PKHD1L1: variants seen among roughly 807,000 people sequenced by gnomAD.
PKHD1L1 encodes PKHD1 like 1.
PKHD1L1 carries 434 observed loss-of-function variants against 462.9 expected under a neutral mutation model. The observed-to-expected ratio is 0.94, with a 90% confidence interval of 0.87 to 1.02. PKHD1L1 has a LOEUF of 1.02. Ranked by LOEUF, PKHD1L1 falls within the 50% of genes least tolerant of loss-of-function variation. The pLI, the probability that PKHD1L1 is intolerant of heterozygous loss-of-function variation, is 0.00. For synonymous variants in PKHD1L1, 1,781 were observed against 1,750.0 expected, an observed-to-expected ratio of 1.02 and a Z score of -0.44; for missense variants, 5,202 against 5,096.1, an observed-to-expected ratio of 1.02 and a Z score of -0.63.
intron 67 of PKHD1L1, among the ~76,000 whole-genome samples, chr8:109,503,381 G>T (rs910474233): frequency 2.0e-5 from 3 of 152,160 alleles, no homozygotes; most frequent in Non-Finnish European, 4.4e-5. Context: ...GGAACTAGGG[G>T]TTGGGTGCAC....
In PKHD1L1 at chr8:109,456,244, T is replaced by A. The variant is rs1195141504; in HGVS notation, c.6875-18T>A. 3.7e-6 allele frequency: 6 copies of A among 1,603,766 alleles called. No homozygotes were observed. The highest frequency in any genetic ancestry group is 1.1e-5 in the South Asian group (1 of 89,220). On this transcript the variant is annotated intron_variant, in intron 45 of 77. Coordinates refer to ENST00000378402, the MANE Select transcript of PKHD1L1 (RefSeq NM_177531.6). ...CAAACACATGTAAGGAAATACTCAG[T>A]GTGTATGTTGGTTCTAGGTGTGCCT...
At chr8:109,442,804 C>A in intron 35 of PKHD1L1, 142 bp from the exon 36 acceptor site, 2 of 734,870 alleles carry the variant, frequency 2.7e-6, no homozygotes, top group Non-Finnish European at 4.3e-6. Context: ...TTACTACATT[C>A]TGTTGACATT....
intron 27 of PKHD1L1, among the ~76,000 whole-genome samples, chr8:109,431,373 A>C (rs1050719338): frequency 3.9e-5 from 6 of 152,174 alleles, no homozygotes; most frequent in African/African-American, 4.8e-5. Flanking sequence ...ATTTACTTCC[A>C]ATCATTAATT....
chr8:109,376,245 T>G (rs1280427900), intron 2 of PKHD1L1, among the ~76,000 whole-genome samples: 1 of 152,200 alleles, frequency 6.6e-6, no homozygotes, highest in Non-Finnish European at 1.5e-5. Flanking sequence ...CAGTTTGATC[T>G]CAGACTGCTG....
At chr8:109,388,990 T>C in intron 7 of PKHD1L1, 89 bp from the exon 8 acceptor site, 1 of 876,754 alleles carries the variant, frequency 1.1e-6, no homozygotes. Context: ...ATTCATATTC[T>C]GAAATTAATG....
At chr8:109,376,105 C>A (rs904968461) in intron 2 of PKHD1L1, among the ~76,000 whole-genome samples, 1 of 152,236 alleles carries the variant, frequency 6.6e-6, no homozygotes, top group Non-Finnish European at 1.5e-5. Context: ...AAAGGTGGAG[C>A]CTACAGAGGC....
chr8:109,522,440 C>G, intron 74 of PKHD1L1, 103 bp downstream of exon 74: 1 of 1,249,050 alleles, frequency 8.0e-7, no homozygotes, highest in East Asian at 2.6e-5. Context: ...AATAATTTAG[C>G]AGGCATGTCT....
chr8:109,497,408 G>C (rs563273597), intron 65 of PKHD1L1, 136 bp downstream of exon 65: 1 of 985,908 alleles, frequency 1.0e-6, no homozygotes, highest in East Asian at 2.8e-5. Flanking sequence ...TGTTCCCACT[G>C]CCCTCTGCCT....
Position 109,443,081 on chromosome 8 carries a change from T to C in PKHD1L1, c.4529T>C (p.Leu1510Pro), listed in dbSNP as rs1815903554. 1 of 1,613,626 alleles carries C rather than the reference T, an allele frequency of 6.2e-7. No individual in the cohort carries two copies. Among genetic ancestry groups the C allele is most frequent in the Non-Finnish European group, 8.5e-7 (1 of 1,179,634 alleles). Reference sequence around the variant, plus strand: ...GAAACCAGACACATTCCCTTGCACCTGTTTGTGGGTCGCTCTGAAGCCACA... The same window carrying C: ...GAAACCAGACACATTCCCTTGCACCCGTTTGTGGGTCGCTCTGAAGCCACA... The part of the protein sequence containing the change: ...PAETRHIPLH[L>P]FVGRSEATYA... The change falls in exon 36 of 78, where the codon CTG becomes CCG. Residue 1510 changes from leucine (L) to proline (P), a missense_variant. Around this residue, in one of 3 missense-constraint regions of PKHD1L1, gnomAD observed 4,497 missense variants for 4,336.8 expected, o/e 1.04. Coordinates refer to ENST00000378402, the MANE Select transcript of PKHD1L1 (RefSeq NM_177531.6).
intron 43 of PKHD1L1, 71 bp from the exon 44 acceptor site, chr8:109,454,096 T>C: frequency 1.2e-6 from 1 of 819,776 alleles, no homozygotes; most frequent in Non-Finnish European, 1.9e-6. Flanking sequence ...TAAATTGTAA[T>C]GAATAATTTA....
At chr8:109,378,922 G>A (rs181288607) in intron 2 of PKHD1L1, among the ~76,000 whole-genome samples, 6 of 152,190 alleles carry the variant, frequency 3.9e-5, no homozygotes, top group East Asian at 3.9e-4. Flanking sequence ...CTTAACTTCC[G>A]CAAGAGAACA....
chr8:109,417,667 G>T (rs752453386), intron 21 of PKHD1L1, among the ~76,000 whole-genome samples: 2 of 151,824 alleles, frequency 1.3e-5, no homozygotes, highest in Non-Finnish European at 2.9e-5. Context: ...CCTCTGCCTC[G>T]GCCTCCTGAG....
chr8:109,422,855 T>G (rs1250802601), intron 23 of PKHD1L1, among the ~76,000 whole-genome samples: 1 of 152,230 alleles, frequency 6.6e-6, no homozygotes, highest in East Asian at 1.9e-4. Flanking sequence ...CGATCCAGTT[T>G]CTGCACAATC....
Position 109,477,050 on chromosome 8 carries a change from C to A in PKHD1L1, c.8918-175C>A, listed in dbSNP as rs183638570. Among the ~76,000 whole-genome samples the A allele has an allele frequency of 1.0e-3, 153 of 152,014 alleles. 1 individual carries two copies. The highest frequency in any genetic ancestry group is 7.4e-5 in the Non-Finnish European group (5 of 67,958). ...ATTCATTTTTATCAAGATATTTTGA[C>A]CGTGTATATCTTTATAATACATACA... On this transcript the variant is annotated intron_variant, in intron 52 of 77. Coordinates refer to ENST00000378402, the MANE Select transcript of PKHD1L1 (RefSeq NM_177531.6).
chr8:109,486,313 A>C (rs564205814), intron 58 of PKHD1L1, among the ~76,000 whole-genome samples: 18 of 151,956 alleles, frequency 1.2e-4, no homozygotes, highest in African/African-American at 4.3e-4. Flanking sequence ...ATTACAATAC[A>C]CTTCTCAATT....
At chr8:109,478,233 ATT>A (rs1818096029) in intron 53 of PKHD1L1, among the ~76,000 whole-genome samples, 1 of 152,182 alleles carries the variant, frequency 6.6e-6, no homozygotes, top group African/African-American at 2.4e-5. Flanking sequence ...CAAAAATTGA[ATT>A]TGTTTATATA....
At chr8:109,406,605 T>C in intron 17 of PKHD1L1, 127 bp downstream of exon 17, 1 of 1,094,858 alleles carries the variant, frequency 9.1e-7, no homozygotes, top group Non-Finnish European at 1.2e-6. Context: ...ATTAAATGGT[T>C]TTTTCTACGG....
rs112785609 is a variant in PKHD1L1, at chr8:109,408,558, G to T, written c.1971+352G>T. On this transcript the variant is annotated intron_variant, in intron 18 of 77. Transcript: ENST00000378402. The stretch of plus-strand genomic sequence containing the variant: ...TAAAATCAGAAATTCCTTGAGAGAT[G>T]TAGTGCAATAAAAGCTTAGCTATAA... Among the ~76,000 whole-genome samples, 743 of 152,294 alleles carry T rather than the reference G, an allele frequency of 4.9e-3. 7 individuals are homozygous for T. The highest frequency in any genetic ancestry group is 8.0e-3 in the Non-Finnish European group (541 of 68,022).
chr8:109,465,350 C>G, intron 49 of PKHD1L1, 105 bp downstream of exon 49: 2 of 1,174,614 alleles, frequency 1.7e-6, no homozygotes, highest in South Asian at 3.3e-5. Flanking sequence ...AGATCTTACC[C>G]AATAGCAAAC....
Sources: allele counts gnomAD v4.1 joint callset (sites outside exome capture counted in the v4.1 genomes callset), GRCh38; gene constraint gnomAD v4.1.1; regional missense constraint gnomAD v4.1.1; transcripts MANE v1.5; gene names NCBI Gene and HGNC (gene_info 2026-07-23, HGNC 2026-07-21).